The following PTPRJ variants were observed in gnomAD, a reference collection of about 807,000 sequenced individuals.
PTPRJ encodes protein tyrosine phosphatase receptor type J.
In PTPRJ, 129 loss-of-function variants were observed where a neutral mutation model predicts 141.3. That is an observed-to-expected ratio of 0.91 (90% confidence interval 0.79 to 1.06). The LOEUF is 1.06. Among genes scored for constraint, PTPRJ ranks in the 50% least tolerant of loss-of-function variants. The pLI, the probability that PTPRJ is intolerant of heterozygous loss-of-function variation, is 0.00. For synonymous variants in PTPRJ, 610 were observed against 640.5 expected, an observed-to-expected ratio of 0.95 and a Z score of 0.72; for missense variants, 1,601 against 1,679.7, an observed-to-expected ratio of 0.95 and a Z score of 0.82.
At chr11:48,026,483 CTT>C (rs35392576) in intron 1 of PTPRJ, among the ~76,000 whole-genome samples, 112 of 142,608 alleles carry the variant, frequency 7.9e-4, no homozygotes, top group African/African-American at 2.4e-3. Context: ...AATGTTAGGA[CTT>C]TTTTTTTTTT....
chr11:48,113,665 G>T (rs1856494488), intron 3 of PTPRJ, among the ~76,000 whole-genome samples: 1 of 152,114 alleles, frequency 6.6e-6, no homozygotes, highest in Non-Finnish European at 1.5e-5. Context: ...AGGTATTTCT[G>T]GGTATTGTTT....
chr11:48,056,485 A>G (rs1288139564), intron 1 of PTPRJ, among the ~76,000 whole-genome samples: 1 of 152,224 alleles, frequency 6.6e-6, no homozygotes, highest in Non-Finnish European at 1.5e-5. Context: ...GGCAGCTATT[A>G]TCTTAACTAT....
At chr11:48,046,912 A>ATATATATATATAT (rs1446781886) in intron 1 of PTPRJ, among the ~76,000 whole-genome samples, 1 of 74,168 alleles carries the variant, frequency 1.3e-5, no homozygotes, top group African/African-American at 7.3e-5. Flanking sequence ...ATATATATAT[A>ATATATATATATAT]TTTTTTTTTT....
At chr11:48,161,651 C>CATCTCTGTCTCTCTGTCTCAAT (rs1857781523) in intron 22 of PTPRJ, among the ~76,000 whole-genome samples, 1 of 151,864 alleles carries the variant, frequency 6.6e-6, no homozygotes, top group South Asian at 2.1e-4. Flanking sequence ...CTCTCTCTGT[C>CATCTCTGTCTCTCTGTCTCAAT]ATCCAGGCTG....
chr11:48,113,140 A>G (rs1303046906), intron 3 of PTPRJ, among the ~76,000 whole-genome samples, 157 bp downstream of exon 3: 2 of 152,260 alleles, frequency 1.3e-5, no homozygotes, highest in Non-Finnish European at 2.9e-5. Context: ...TATATAAAAC[A>G]TAGACAAGAA....
intron 1 of PTPRJ, among the ~76,000 whole-genome samples, chr11:48,104,492 T>A (rs1856237972): frequency 6.6e-6 from 1 of 152,196 alleles, no homozygotes; most frequent in African/African-American, 2.4e-5. Flanking sequence ...AAATAACTAT[T>A]GTCATATGGT....
chr11:48,057,999 C>T (rs1041076622), intron 1 of PTPRJ, among the ~76,000 whole-genome samples: 1 of 152,008 alleles, frequency 6.6e-6, no homozygotes, highest in African/African-American at 2.4e-5. Context: ...GCAGCCTCCG[C>T]CTCCCGGGTT....
chr11:48,075,590 A>AT (rs1035656236), intron 1 of PTPRJ, among the ~76,000 whole-genome samples: 14 of 150,582 alleles, frequency 9.3e-5, no homozygotes, highest in African/African-American at 2.2e-4. Context: ...GCTAATTTAA[A>AT]TTTTTTTTGT....
intron 1 of PTPRJ, among the ~76,000 whole-genome samples, chr11:48,004,762 C>T (rs1443261886): frequency 2.0e-5 from 3 of 152,098 alleles, no homozygotes; most frequent in Middle Eastern, 3.4e-3. Context: ...AGGATGCCTG[C>T]GTGATTTAGA....
chr11:48,100,927 C>T (rs1374931857), intron 1 of PTPRJ, among the ~76,000 whole-genome samples: 1 of 151,778 alleles, frequency 6.6e-6, no homozygotes, highest in Non-Finnish European at 1.5e-5. Context: ...CTTCCAAGTG[C>T]CCATGTCTCA....
At chr11:48,025,449 T>G (rs1565263698) in intron 1 of PTPRJ, among the ~76,000 whole-genome samples, 1 of 152,150 alleles carries the variant, frequency 6.6e-6, no homozygotes, top group Non-Finnish European at 1.5e-5. Context: ...GGCTGGTGTA[T>G]GCCGGAGGCC....
chr11:48,142,473 G>A (rs1335784531), intron 11 of PTPRJ, among the ~76,000 whole-genome samples: 7 of 152,078 alleles, frequency 4.6e-5, no homozygotes, highest in Non-Finnish European at 1.5e-5. Flanking sequence ...CAATCCATGA[G>A]CATGGGATGT....
Position 47,980,831 on chromosome 11 carries a change from G to A in PTPRJ, c.-82G>A. The A allele has an allele frequency of 2.8e-6, 3 of 1,058,006 alleles. No individual in the cohort carries two copies. Among genetic ancestry groups the A allele is most frequent in the Non-Finnish European group, 2.3e-6 (2 of 879,370 alleles). The allele number at this position is 1,058,006 out of a possible 1,614,324, so 65.5% of individuals were successfully genotyped here. On this transcript the variant is annotated 5_prime_UTR_variant, in exon 1 of 25. Transcript: ENST00000418331. ...GGAGGAGGCGAAGGAGACGGCAGGA[G>A]GCGGCGACGACGGTGCCCGGGCTCG...
intron 1 of PTPRJ, among the ~76,000 whole-genome samples, chr11:47,988,267 C>A (rs979476390): frequency 2.6e-5 from 4 of 152,242 alleles, no homozygotes; most frequent in African/African-American, 7.2e-5. Context: ...AGGGAAGAAT[C>A]CTTCCCCAAA....
rs1458173156 is a variant in PTPRJ at position 48,112,850 on chromosome 11, A to T, written c.219A>T (p.Gly73=). The T allele has an allele frequency of 6.2e-7, 1 of 1,614,190 alleles. No individual in the cohort carries two copies. The highest frequency in any genetic ancestry group is 8.5e-7 in the Non-Finnish European group (1 of 1,180,018). ...CAGAATCCTTTCATAAACAGAATGGAACTGGAACACCTCAGGTGGAAACAA... is the reference window on the plus strand; with the variant it reads ...CAGAATCCTTTCATAAACAGAATGGTACTGGAACACCTCAGGTGGAAACAA... ...STAESFHKQN[G]TGTPQVETNT... Residue 73 remains glycine (G), a synonymous_variant, in exon 3 of 25, where the codon GGA becomes GGT. Transcript: ENST00000418331.
intron 1 of PTPRJ, among the ~76,000 whole-genome samples, chr11:48,079,278 A>G (rs1279786231): frequency 6.6e-6 from 1 of 151,722 alleles, no homozygotes; most frequent in Non-Finnish European, 1.5e-5. Flanking sequence ...CTTGGTTTAG[A>G]GGCGGATGCA....
chr11:47,986,055 G>A (rs1156615270), intron 1 of PTPRJ, among the ~76,000 whole-genome samples: 4 of 152,050 alleles, frequency 2.6e-5, no homozygotes, highest in Non-Finnish European at 5.9e-5. Context: ...CGAACTCCTG[G>A]GTCCAGTTGA....
At chr11:48,094,207 T>C (rs973603809) in intron 1 of PTPRJ, among the ~76,000 whole-genome samples, 1 of 152,246 alleles carries the variant, frequency 6.6e-6, no homozygotes, top group Non-Finnish European at 1.5e-5. Flanking sequence ...AAGTACAATG[T>C]TCCCCTGATA....
In PTPRJ at chr11:48,155,893, T is replaced by C. The variant is rs1857587509; in HGVS notation, c.3303+19T>C. Reference sequence around the variant, plus strand: ...CATGCCTGTAAGTTGGGGGACGGTCTCACAGCACTGGACTGTTTCGATGAA... The same window carrying C: ...CATGCCTGTAAGTTGGGGGACGGTCCCACAGCACTGGACTGTTTCGATGAA... On this transcript the variant is annotated intron_variant, in intron 20 of 24. Coordinates refer to ENST00000418331, the MANE Select transcript of PTPRJ (RefSeq NM_002843.4). 1.3e-6 allele frequency: 2 copies of C among 1,593,350 alleles called. No individual in the cohort carries two copies. Among genetic ancestry groups the C allele is most frequent in the Non-Finnish European group, 1.7e-6 (2 of 1,161,516 alleles).
Sources: gnomAD v4.1 joint callset for allele counts (sites outside exome capture counted in the v4.1 genomes callset) on GRCh38, gnomAD v4.1.1 for gene constraint, MANE v1.5 for transcripts, NCBI Gene and HGNC (gene_info 2026-07-23, HGNC 2026-07-21) for gene names.